RBAK: variants seen among roughly 807,000 people sequenced by gnomAD.
The protein encoded by RBAK is RB-associated KRAB zinc finger protein.
Under a neutral mutation model 65.8 loss-of-function variants are expected in RBAK, and 39 were observed. The observed-to-expected ratio is 0.59, with a 90% CI of 0.46 to 0.77. RBAK has a LOEUF of 0.77. Among genes scored for constraint, RBAK ranks in the 30% least tolerant of loss-of-function variants. The pLI is 0.00. For synonymous variants in RBAK, 343 were observed against 289.7 expected (o/e 1.18, Z -1.87); for missense variants, 884 against 855.1 (o/e 1.03, Z -0.42).
chr7:5,047,198 G>C (rs1382140214), intron 1 of RBAK, among the ~76,000 whole-genome samples: 1 of 152,162 alleles, frequency 6.6e-6, no homozygotes, highest in East Asian at 1.9e-4. Context: ...CCAGGAGTTA[G>C]AGACCAGCCT....
chr7:5,060,126 C>T (rs921094739), intron 4 of RBAK, among the ~76,000 whole-genome samples: 1 of 152,146 alleles, frequency 6.6e-6, no homozygotes, highest in African/African-American at 2.4e-5. Flanking sequence ...GTTGCTTGAG[C>T]TTCTTCTACC....
At chr7:5,060,967 A>G (rs1028386386) in intron 4 of RBAK, among the ~76,000 whole-genome samples, 28 of 152,214 alleles carry the variant, frequency 1.8e-4, no homozygotes, top group Non-Finnish European at 7.3e-5. Flanking sequence ...AGCTTTAGGA[A>G]TCTGAGATAT....
At chr7:5,049,970 C>T (rs1323997456) in intron 2 of RBAK, among the ~76,000 whole-genome samples, 10 of 152,106 alleles carry the variant, frequency 6.6e-5, no homozygotes, top group African/African-American at 2.2e-4. Context: ...CTGCCCGCCT[C>T]GGCCTCCCAA....
At position 5,046,111 on chromosome 7, in the gene RBAK, T is replaced by TGGCGGCGGA. The variant is rs916316778; in HGVS notation, c.-325_-317dup. On this transcript the variant is annotated 5_prime_UTR_variant, in exon 1 of 5. Transcript: ENST00000396912. ...GGGGCCGGACGGGAGGTGGCGGAGG[T>TGGCGGCGGA]GGCGGCGGAGGCGAAGGGGCGGCGG... The TGGCGGCGGA allele has an allele frequency of 1.3e-5, 4 of 312,798 alleles. No individual in the cohort carries two copies. The highest frequency in any genetic ancestry group is 5.1e-5 in the Admixed American group (1 of 19,778). The allele number at this position is 312,798 out of a possible 1,614,324, so 19.4% of individuals were successfully genotyped here. A position where few individuals can be genotyped will look rare whatever the true frequency, so the allele number is the denominator to read the frequency against.
In RBAK at chr7:5,067,795, G is replaced by A. The variant is rs186378943; in HGVS notation, c.*2194G>A. ...GACCCACGTGTATACCATCACCTGAGTTTTGAGAAAGGTGACATTGAAGTG... is the reference window on the plus strand; with the variant it reads ...GACCCACGTGTATACCATCACCTGAATTTTGAGAAAGGTGACATTGAAGTG... On this transcript the variant is annotated 3_prime_UTR_variant, in exon 5 of 5. Transcript: ENST00000396912. 2.6e-5 allele frequency: 4 copies of A among 152,322 alleles called. No homozygotes were observed. Among genetic ancestry groups the A allele is most frequent in the African/African-American group, 9.6e-5 (4 of 41,582 alleles). 9.4% of individuals were successfully genotyped at this position (152,322 alleles called of 1,614,324 possible). A position where few individuals can be genotyped will look rare whatever the true frequency, so the allele number is the denominator to read the frequency against.
chr7:5,046,663 C>T (rs1787992879), intron 1 of RBAK, among the ~76,000 whole-genome samples: 1 of 152,224 alleles, frequency 6.6e-6, no homozygotes, highest in Admixed American at 6.5e-5. Flanking sequence ...AGCCCTTCCT[C>T]CTCCTTTCCG....
intron 3 of RBAK, 53 bp downstream of exon 3, chr7:5,057,474 G>A: frequency 6.2e-7 from 1 of 1,613,900 alleles, no homozygotes; most frequent in Non-Finnish European, 8.5e-7. Flanking sequence ...TTTTATCCTT[G>A]AGTTTGAAGA....
At position 5,064,000 on chromosome 7, in the gene RBAK, CA is replaced by C; in HGVS notation, c.548del (p.Asn183MetfsTer32). 1 of 1,613,820 alleles carries C rather than the reference CA, an allele frequency of 6.2e-7. No homozygotes were observed. The highest frequency in any genetic ancestry group is 8.5e-7 in the Non-Finnish European group (1 of 1,179,938). On this transcript the variant is annotated frameshift_variant, in exon 5 of 5. Coordinates refer to ENST00000396912, the MANE Select transcript of RBAK (RefSeq NM_021163.4). LOFTEE classifies it high-confidence loss of function. ...TGGAGAGAAAATGTGTGAATTTAAT[CA>C]AAATGGGGATACCTATTCTCACAAT... The part of the protein sequence containing the change: ...YHGEKMCEFN[Q>X]NGDTYSHNEE...
chr7:5,060,655 C>T (rs924239713), intron 4 of RBAK, among the ~76,000 whole-genome samples: 12 of 152,184 alleles, frequency 7.9e-5, no homozygotes, highest in African/African-American at 1.2e-4. Context: ...AGGAAGATCA[C>T]GAGTACAGAC....
At position 5,063,477 on chromosome 7, in the gene RBAK, C is replaced by CTGTGTGTGTGTGTG. The variant is rs71535175; in HGVS notation, c.239-194_239-181dup. Among the ~76,000 whole-genome samples the CTGTGTGTGTGTGTG allele has an allele frequency of 4.2e-3, 621 of 147,286 alleles. 4 individuals carry two copies. Among genetic ancestry groups the CTGTGTGTGTGTGTG allele is most frequent in the East Asian group, 0.024 (116 of 4,924 alleles). On this transcript the variant is annotated intron_variant, in intron 4 of 4. Transcript: ENST00000396912. ...CCACTGTCTCACCTTAATTCTTTCA[C>CTGTGTGTGTGTGTG]TGTGTGTGTGTGTGTGTGTGTGTGT...
chr7:5,047,575 C>T (rs1283894526), intron 1 of RBAK, among the ~76,000 whole-genome samples: 1 of 147,270 alleles, frequency 6.8e-6, no homozygotes, highest in African/African-American at 2.5e-5. Flanking sequence ...CAAGTGCATG[C>T]TTCGCCTATC....
intron 1 of RBAK, 66 bp from the exon 2 acceptor site, chr7:5,047,967 C>T: frequency 2.5e-6 from 2 of 805,028 alleles, no homozygotes; most frequent in Non-Finnish European, 3.9e-6. Context: ...GGTTCTTACG[C>T]AGGAGATTCC....
In RBAK at chr7:5,065,227, G is replaced by A. The variant is rs1229049994; in HGVS notation, c.1771G>A (p.Gly591Ser). ...SLFRHQRVHTGEKPYECYECG... is the reference protein window; with the variant it reads ...SLFRHQRVHTSEKPYECYECG... ...CTTCAGACATCAAAGAGTACACACAGGCGAGAAACCCTATGAATGTTACGA... is the reference window on the plus strand; with the variant it reads ...CTTCAGACATCAAAGAGTACACACAAGCGAGAAACCCTATGAATGTTACGA... Residue 591 changes from glycine (G) to serine (S), a missense_variant, in exon 5 of 5, where the codon GGC becomes AGC. Gly to Ser is a moderately conservative substitution (Grantham distance 56, BLOSUM62 0). Transcript: ENST00000396912. The surrounding 1 kb of genome is among the most constrained non-coding windows in gnomAD (Gnocchi z 5.3). 1.6e-5 allele frequency: 26 copies of A among 1,613,786 alleles called. 1 individual carries two copies. Among genetic ancestry groups the A allele is most frequent in the Non-Finnish European group, 2.2e-5 (26 of 1,179,920 alleles).
At chr7:5,052,907 C>G (rs1256384934) in intron 2 of RBAK, among the ~76,000 whole-genome samples, 1 of 151,950 alleles carries the variant, frequency 6.6e-6, no homozygotes, top group Non-Finnish European at 1.5e-5. Context: ...TTACAGACAC[C>G]CACCACCACA....
At chr7:5,052,592 T>A (rs1583454073) in intron 2 of RBAK, among the ~76,000 whole-genome samples, 1 of 152,252 alleles carries the variant, frequency 6.6e-6, no homozygotes, top group African/African-American at 2.4e-5. Flanking sequence ...TCTTAAGTGA[T>A]ATACCATTTT....
chr7:5,048,158 A>G lies in RBAK; in HGVS notation c.15+67A>G, dbSNP rs1408515247. On this transcript the variant is annotated intron_variant, in intron 2 of 4. Coordinates refer to ENST00000396912, the MANE Select transcript of RBAK (RefSeq NM_021163.4). This position sits in a 1 kb window ranked among gnomAD's most constrained non-coding sequence, Gnocchi z 4.4. ...TATGATGCATTTTAAGAGGTTTGTAAGGATTCTTACCTTTTTTTTTTTCTT... is the reference window on the plus strand; with the variant it reads ...TATGATGCATTTTAAGAGGTTTGTAGGGATTCTTACCTTTTTTTTTTTCTT... 1 of 1,583,780 alleles carries G rather than the reference A, an allele frequency of 6.3e-7. No individual in the cohort carries two copies. Among genetic ancestry groups the G allele is most frequent in the Admixed American group, 1.8e-5 (1 of 54,964 alleles).
rs1328048507 is a variant in RBAK at position 5,065,210 on chromosome 7, A to G, written c.1754A>G (p.His585Arg). The G allele has an allele frequency of 1.9e-6, 3 of 1,613,474 alleles. No individual in the cohort carries two copies. The highest frequency in any genetic ancestry group is 2.5e-6 in the Non-Finnish European group (3 of 1,179,842). ...TCCCATAATTCATCCCTCTTCAGAC[A>G]TCAAAGAGTACACACAGGCGAGAAA... ...TFSHNSSLFR[H>R]QRVHTGEKPY... Residue 585 changes from histidine (H) to arginine (R), a missense_variant, in exon 5 of 5, where the codon CAT becomes CGT. Physicochemically the swap from His to Arg is conservative, Grantham distance 29 (BLOSUM62 0). Transcript: ENST00000396912. This position sits in a 1 kb window ranked among gnomAD's most constrained non-coding sequence, Gnocchi z 5.3.
chr7:5,054,790 C>A (rs982423460), intron 2 of RBAK, among the ~76,000 whole-genome samples: 1 of 152,050 alleles, frequency 6.6e-6, no homozygotes, highest in African/African-American at 2.4e-5. Flanking sequence ...TTTTGATTTT[C>A]TTCCACCTCA....
rs187547462 is a variant in RBAK at position 5,060,939 on chromosome 7, A to G, written c.239-2756A>G. Among the ~76,000 whole-genome samples the G allele has an allele frequency of 4.3e-4, 65 of 152,326 alleles. 1 individual carries two copies. The highest frequency in any genetic ancestry group is 1.5e-3 in the African/African-American group (64 of 41,572). On this transcript the variant is annotated intron_variant, in intron 4 of 4. Coordinates refer to ENST00000396912, the MANE Select transcript of RBAK (RefSeq NM_021163.4). ...AAAATTTGTAAGATACATAAAAATA[A>G]AAGTACATCATAGGGGCAGCTTTAG...
Sources: allele counts gnomAD v4.1 joint callset (sites outside exome capture counted in the v4.1 genomes callset), GRCh38; gene constraint gnomAD v4.1.1; non-coding constraint Gnocchi (gnomAD v3.1); transcripts MANE v1.5; gene names NCBI Gene and HGNC (gene_info 2026-07-23, HGNC 2026-07-21).